YEATS2: variants seen among roughly 807,000 people sequenced by gnomAD.
YEATS2 encodes the protein YEATS domain containing 2, also known as YEATS domain-containing protein 2.
In YEATS2, 77 loss-of-function variants were observed where a neutral mutation model predicts 163.2. The ratio of observed to expected loss-of-function variants is 0.47; its 90% CI spans 0.39 to 0.57. The LOEUF (loss-of-function observed/expected upper bound fraction) is 0.57. Ranked by LOEUF, YEATS2 falls within the 20% of genes least tolerant of loss-of-function variation. YEATS2 has a pLI of 0.00. For missense variants in YEATS2, 1,549 were observed against 1,729.8 expected (o/e 0.90, Z 1.85); for synonymous variants, 631 against 645.1 (o/e 0.98, Z 0.33).
At chr3:183,753,721 C>T (rs1428336114) in intron 10 of YEATS2, among the ~76,000 whole-genome samples, 1 of 152,116 alleles carries the variant, frequency 6.6e-6, no homozygotes, top group Non-Finnish European at 1.5e-5. Flanking sequence ...GCACTCTAGC[C>T]TGGGTGACAA....
At chr3:183,766,392 C>A (rs1302160099) in intron 15 of YEATS2, among the ~76,000 whole-genome samples, 1 of 152,188 alleles carries the variant, frequency 6.6e-6, no homozygotes, top group Non-Finnish European at 1.5e-5. Context: ...TTGTAAACAG[C>A]CATATTTTTT....
chr3:183,744,919 C>T lies in YEATS2; in HGVS notation c.925-2753C>T, dbSNP rs1463384367. On this transcript the variant is annotated intron_variant, in intron 8 of 30. Transcript: ENST00000305135. ...AGGCTGGAGTGCAGTGGCGCAGTTTCGGCTCACTGCAACCTCTACCTTCTG... is the reference window on the plus strand; with the variant it reads ...AGGCTGGAGTGCAGTGGCGCAGTTTTGGCTCACTGCAACCTCTACCTTCTG... 3.3e-5 allele frequency among the ~76,000 whole-genome samples: 5 copies of T among 152,004 alleles called. No individual in the cohort carries two copies. In the East Asian group the frequency reaches 9.6e-4, roughly 29 times the overall value.
chr3:183,781,731 C>T (rs1418811907), intron 19 of YEATS2, among the ~76,000 whole-genome samples: 1 of 149,530 alleles, frequency 6.7e-6, no homozygotes, highest in Non-Finnish European at 1.5e-5. Flanking sequence ...CAGAACAAGA[C>T]TCCGTCTCAA....
At position 183,755,617 on chromosome 3, in the gene YEATS2, G is replaced by A. The variant is rs549236891; in HGVS notation, c.1391-911G>A. On this transcript the variant is annotated intron_variant, in intron 11 of 30. Coordinates refer to ENST00000305135, the MANE Select transcript of YEATS2 (RefSeq NM_018023.5). ...GGGAACACGAATCTTTCTGGGTTAC[G>A]GCTGTGACATAGTATTGACAGAGAC... 3.9e-5 allele frequency among the ~76,000 whole-genome samples: 6 copies of A among 152,142 alleles called. No individual in the cohort carries two copies. The South Asian group carries it at 6.2e-4, about 16-fold the overall frequency.
In YEATS2 at chr3:183,755,839, C is replaced by T. The variant is rs1045064176; in HGVS notation, c.1391-689C>T. Among the ~76,000 whole-genome samples, 5 of 149,880 alleles carry T rather than the reference C, an allele frequency of 3.3e-5. No homozygotes were observed. The East Asian group carries it at 5.9e-4, about 18-fold the overall frequency. On this transcript the variant is annotated intron_variant, in intron 11 of 30. Coordinates refer to ENST00000305135, the MANE Select transcript of YEATS2 (RefSeq NM_018023.5). The stretch of plus-strand genomic sequence containing the variant: ...CACGATCTCGGCTCACTCCGCCACC[C>T]GGGTTCAAGCGATTCTCCTGCCTCA...
chr3:183,786,439 A>G (rs957191395), intron 20 of YEATS2, 138 bp downstream of exon 20: 3 of 844,848 alleles, frequency 3.6e-6, no homozygotes, highest in South Asian at 2.0e-5. Flanking sequence ...AAATATTCAC[A>G]TACCATAAAA....
intron 22 of YEATS2, among the ~76,000 whole-genome samples, chr3:183,798,646 C>G (rs1725385828): frequency 6.6e-6 from 1 of 152,086 alleles, no homozygotes; most frequent in Non-Finnish European, 1.5e-5. Flanking sequence ...GAGCCACTGC[C>G]CCTGGCCTGG....
At chr3:183,723,040 T>A (rs1716699719) in intron 5 of YEATS2, among the ~76,000 whole-genome samples, 1 of 152,228 alleles carries the variant, frequency 6.6e-6, no homozygotes, top group Non-Finnish European at 1.5e-5. Flanking sequence ...GAAAGAAACC[T>A]TCTAGCTCGG....
intron 1 of YEATS2, among the ~76,000 whole-genome samples, chr3:183,706,563 G>T (rs149251557): frequency 6.6e-6 from 1 of 152,228 alleles, no homozygotes; most frequent in African/African-American, 2.4e-5. Context: ...ATTAAGATTA[G>T]TGGAGCACTG....
chr3:183,779,195 C>T (rs948399165), intron 19 of YEATS2, among the ~76,000 whole-genome samples: 6 of 152,230 alleles, frequency 3.9e-5, no homozygotes, highest in Non-Finnish European at 5.9e-5. Flanking sequence ...AGGCACAAGC[C>T]ACCACGCCCA....
At chr3:183,719,821 C>T (rs1416551311) in intron 4 of YEATS2, among the ~76,000 whole-genome samples, 1 of 152,022 alleles carries the variant, frequency 6.6e-6, no homozygotes, top group Non-Finnish European at 1.5e-5. Context: ...AAGCAGTCTT[C>T]CTGCCTCAGC....
intron 15 of YEATS2, among the ~76,000 whole-genome samples, chr3:183,763,413 T>A (rs971047507): frequency 1.3e-5 from 2 of 152,234 alleles, no homozygotes; most frequent in Non-Finnish European, 2.9e-5. Context: ...TGTTAATATA[T>A]GCAGTCTGTC....
chr3:183,771,402 C>T (rs1266849323), intron 15 of YEATS2, among the ~76,000 whole-genome samples: 2 of 151,896 alleles, frequency 1.3e-5, no homozygotes, highest in African/African-American at 4.8e-5. Flanking sequence ...ATTTAACATC[C>T]TACTGTTGAC....
intron 20 of YEATS2, among the ~76,000 whole-genome samples, chr3:183,790,074 T>C (rs1283850776): frequency 6.6e-6 from 1 of 152,200 alleles, no homozygotes; most frequent in Non-Finnish European, 1.5e-5. Flanking sequence ...GAACATACAA[T>C]GTTCTTTCAT....
chr3:183,757,341 A>C (rs1427296393), intron 12 of YEATS2, among the ~76,000 whole-genome samples: 1 of 152,116 alleles, frequency 6.6e-6, no homozygotes, highest in African/African-American at 2.4e-5. Context: ...CCCAAGCTGG[A>C]GTGCAGTGGC....
chr3:183,806,320 G>C (rs1207438148), intron 27 of YEATS2: 1 of 456,198 alleles, frequency 2.2e-6, no homozygotes, highest in Admixed American at 2.3e-5. Context: ...CTTGTACCTG[G>C]TGTGGACCTC....
At chr3:183,803,466 T>C in intron 26 of YEATS2, 131 bp downstream of exon 26, 3 of 930,470 alleles carry the variant, frequency 3.2e-6, no homozygotes, top group Admixed American at 2.5e-5. Context: ...AAAAATCTCA[T>C]TTTTCAAAGA....
intron 7 of YEATS2, among the ~76,000 whole-genome samples, chr3:183,729,981 T>C (rs928320564): frequency 1.3e-5 from 2 of 149,522 alleles, no homozygotes; most frequent in African/African-American, 4.9e-5. Context: ...TGAGTCACCA[T>C]GCCCGGCCTT....
chr3:183,737,208 G>A (rs1718432448), intron 8 of YEATS2, among the ~76,000 whole-genome samples: 1 of 152,146 alleles, frequency 6.6e-6, no homozygotes, highest in Non-Finnish European at 1.5e-5. Context: ...TGAGGAAGAG[G>A]AGGGATTGGT....
Sources: gnomAD v4.1 joint callset for allele counts (sites outside exome capture counted in the v4.1 genomes callset) on GRCh38, gnomAD v4.1.1 for gene constraint, MANE v1.5 for transcripts, NCBI Gene and HGNC (gene_info 2026-07-23, HGNC 2026-07-21) for gene names.